Variants in PLGRKT observed in about 807,000 individuals in gnomAD.
The protein encoded by PLGRKT is plasminogen receptor (KT).
PLGRKT carries 22 observed loss-of-function variants against 18.5 expected under a neutral mutation model. That is an observed-to-expected ratio of 1.19 (90% CI 0.85 to 1.70). The LOEUF is 1.70. PLGRKT is among the 40% of genes most tolerant of loss of function. PLGRKT has a pLI of 0.00. For synonymous variants in PLGRKT, 72 were observed against 52.8 expected (o/e 1.36, Z -1.58); for missense variants, 235 against 174.4 (o/e 1.35, Z -1.96).
chr9:5,418,427 T>C lies in PLGRKT; in HGVS notation c.81+13470A>G, dbSNP rs1004505254. The C allele has an allele frequency of 2.5e-5, 22 of 895,176 alleles. No individual in the cohort carries two copies. In the African/African-American group the frequency reaches 3.3e-4, roughly 13 times the overall value. 55.5% of individuals were successfully genotyped at this position (895,176 alleles called of 1,614,324 possible). ...ATGCAGGACATGTTATGGAGCACGATGCTGAGGAGGAAGACCAAGACGCAA... is the reference window on the plus strand; with the variant it reads ...ATGCAGGACATGTTATGGAGCACGACGCTGAGGAGGAAGACCAAGACGCAA... On this transcript the variant is annotated intron_variant, in intron 3 of 5. Transcript: ENST00000223864. The surrounding 1 kb of genome is among the most constrained non-coding windows in gnomAD (Gnocchi z 4.2).
intron 3 of PLGRKT, among the ~76,000 whole-genome samples, chr9:5,422,698 T>C (rs1818600956): frequency 6.6e-6 from 1 of 152,152 alleles, no homozygotes; most frequent in Non-Finnish European, 1.5e-5. Flanking sequence ...TATGGTTATA[T>C]CTATATCTGT....
chr9:5,427,086 G>A (rs1397652751), intron 3 of PLGRKT, among the ~76,000 whole-genome samples: 2 of 152,218 alleles, frequency 1.3e-5, no homozygotes, highest in African/African-American at 2.4e-5. Flanking sequence ...AATATTAAAT[G>A]GAAAATTTCA....
At chr9:5,387,572 T>C (rs1378391950) in intron 3 of PLGRKT, among the ~76,000 whole-genome samples, 1 of 151,932 alleles carries the variant, frequency 6.6e-6, no homozygotes, top group East Asian at 1.9e-4. Context: ...TAGTCCCATA[T>C]ATAAGGAGCG....
intron 3 of PLGRKT, among the ~76,000 whole-genome samples, chr9:5,419,159 G>A (rs565123550): frequency 6.3e-4 from 96 of 152,270 alleles, no homozygotes; most frequent in African/African-American, 1.6e-3. Flanking sequence ...AGCCAGCAGC[G>A]GGGCACATCT....
intron 3 of PLGRKT, among the ~76,000 whole-genome samples, chr9:5,391,397 T>G (rs1400947557): frequency 2.6e-5 from 4 of 151,924 alleles, no homozygotes; most frequent in Non-Finnish European, 5.9e-5. Context: ...TCACCTAGAT[T>G]ATCGCAATAT....
At chr9:5,372,693 C>A (rs565046995) in intron 3 of PLGRKT, among the ~76,000 whole-genome samples, 1 of 152,184 alleles carries the variant, frequency 6.6e-6, no homozygotes, top group African/African-American at 2.4e-5. Flanking sequence ...CTTTTCACTG[C>A]CCACTTCCAC....
rs201307735 is a variant in PLGRKT at position 5,361,107 on chromosome 9, C to T, written c.293G>A (p.Gly98Asp). 4.4e-6 allele frequency: 7 copies of T among 1,598,638 alleles called. No individual in the cohort carries two copies. The highest frequency in any genetic ancestry group is 6.0e-6 in the Non-Finnish European group (7 of 1,166,496). Residue 98 changes from glycine (G) to aspartate (D), a missense_variant, in exon 5 of 6, where the codon GGC (glycine) becomes GAC (aspartate). Transcript: ENST00000223864. The part of the protein sequence containing the change: ...SFILTYQYDL[G>D]YGTLLERMKG... The stretch of plus-strand genomic sequence containing the variant: ...CATTCTTTCTAAAAGGGTTCCATAG[C>T]CCAAGTCATACTGGTAGGTGAGGAT...
chr9:5,372,267 G>A (rs986176869), intron 3 of PLGRKT, among the ~76,000 whole-genome samples: 10 of 152,034 alleles, frequency 6.6e-5, no homozygotes, highest in East Asian at 3.9e-4. Context: ...ATTGCAGCAT[G>A]CTTGATTTTA....
chr9:5,363,561 C>G (rs139144492), intron 3 of PLGRKT, among the ~76,000 whole-genome samples: 2 of 152,270 alleles, frequency 1.3e-5, no homozygotes, highest in East Asian at 1.9e-4. Flanking sequence ...CTTAGGCATG[C>G]TCTCTGTGAG....
At chr9:5,385,816 A>G (rs1213551649) in intron 3 of PLGRKT, among the ~76,000 whole-genome samples, 1 of 151,880 alleles carries the variant, frequency 6.6e-6, no homozygotes, top group African/African-American at 2.4e-5. Flanking sequence ...TTTCCTCCAG[A>G]ATATATTTCC....
At chr9:5,392,504 A>G (rs1430024925) in intron 3 of PLGRKT, 1 of 151,962 alleles carries the variant, frequency 6.6e-6, no homozygotes, top group Admixed American at 6.6e-5. Context: ...CGGCTTTTGC[A>G]TATGTCTCAT....
intron 3 of PLGRKT, among the ~76,000 whole-genome samples, chr9:5,363,278 C>A (rs1817308334): frequency 6.6e-6 from 1 of 151,944 alleles, no homozygotes; most frequent in African/African-American, 2.4e-5. Flanking sequence ...TCCCTAAGGG[C>A]ATGTGGCCAT....
intron 3 of PLGRKT, among the ~76,000 whole-genome samples, chr9:5,431,650 T>C (rs992483893): frequency 6.6e-6 from 1 of 152,156 alleles, no homozygotes; most frequent in African/African-American, 2.4e-5. Context: ...CATTATTCTA[T>C]GTACCACATA....
At chr9:5,389,603 T>C (rs1030568660) in intron 3 of PLGRKT, among the ~76,000 whole-genome samples, 3 of 151,838 alleles carry the variant, frequency 2.0e-5, no homozygotes, top group African/African-American at 4.9e-5. Flanking sequence ...GTAACTGATC[T>C]AGGAAGACCC....
chr9:5,411,895 T>C (rs1818373453), intron 3 of PLGRKT, among the ~76,000 whole-genome samples: 1 of 152,222 alleles, frequency 6.6e-6, no homozygotes, highest in Admixed American at 6.5e-5. Context: ...AATAAACTTA[T>C]AAGTTAATAC....
chr9:5,432,505 C>G (rs1818847909), intron 2 of PLGRKT, among the ~76,000 whole-genome samples: 1 of 151,550 alleles, frequency 6.6e-6, no homozygotes, highest in East Asian at 1.9e-4. Context: ...CCCTCCCCCT[C>G]CCCCTCCCTC....
chr9:5,430,924 C>A (rs766157165), intron 3 of PLGRKT, among the ~76,000 whole-genome samples: 6 of 152,194 alleles, frequency 3.9e-5, no homozygotes, highest in African/African-American at 1.4e-4. Flanking sequence ...TCTTTTCTAT[C>A]CAGCCACGTC....
At chr9:5,379,969 G>A (rs1348446862) in intron 3 of PLGRKT, among the ~76,000 whole-genome samples, 1 of 152,186 alleles carries the variant, frequency 6.6e-6, no homozygotes, top group Non-Finnish European at 1.5e-5. Context: ...AATATAAACA[G>A]TATTTGTAAT....
At chr9:5,400,223 G>C (rs1362509741) in intron 3 of PLGRKT, among the ~76,000 whole-genome samples, 3 of 151,734 alleles carry the variant, frequency 2.0e-5, no homozygotes, top group Non-Finnish European at 4.4e-5. Flanking sequence ...TTTTCCAAGA[G>C]AGGAAAATTA....
Sources: allele counts gnomAD v4.1 joint callset (sites outside exome capture counted in the v4.1 genomes callset), GRCh38; gene constraint gnomAD v4.1.1; non-coding constraint Gnocchi (gnomAD v3.1); transcripts MANE v1.5; gene names NCBI Gene and HGNC (gene_info 2026-07-23, HGNC 2026-07-21).